Variants in ATAD1 observed in about 807,000 individuals in gnomAD.
ATAD1 encodes ATPase family AAA domain containing 1.
ATAD1 carries 18 observed loss-of-function variants against 42.7 expected under a neutral mutation model. The ratio of observed to expected loss-of-function variants is 0.42; its 90% CI spans 0.29 to 0.63. The LOEUF (loss-of-function observed/expected upper bound fraction) is 0.63, where lower values mean the gene tolerates loss of function less well. Ranked by LOEUF, ATAD1 falls within the 20% of genes least tolerant of loss-of-function variation. The probability of loss-of-function intolerance (pLI) is 0.19; values close to 1 mark genes in which losing one functional copy is unlikely to be tolerated. For missense variants in ATAD1, 294 were observed against 440.4 expected (o/e 0.67, Z 2.98); for synonymous variants, 132 against 143.1 (o/e 0.92, Z 0.55).
At chr10:87,776,214 T>A in intron 6 of ATAD1, 107 bp downstream of exon 6, 1 of 771,806 alleles carries the variant, frequency 1.3e-6, no homozygotes, top group East Asian at 2.5e-5. Context: ...TAAGTGTAAA[T>A]AATTATGAAA....
At chr10:87,801,503 TA>T (rs1856693008) in intron 2 of ATAD1, among the ~76,000 whole-genome samples, 1 of 91,146 alleles carries the variant, frequency 1.1e-5, no homozygotes, top group African/African-American at 4.3e-5. Flanking sequence ...GTATGTGTCC[TA>T]AAATTATGAG....
intron 1 of ATAD1, chr10:87,814,840 G>A: frequency 3.7e-6 from 1 of 272,806 alleles, no homozygotes; most frequent in Non-Finnish European, 6.8e-6. Flanking sequence ...TAGAAATTAA[G>A]ATTTATTTGG....
chr10:87,770,194 G>T (rs1854964702), intron 7 of ATAD1, among the ~76,000 whole-genome samples: 1 of 152,110 alleles, frequency 6.6e-6, no homozygotes, highest in Non-Finnish European at 1.5e-5. Flanking sequence ...TGGGACAAAT[G>T]ATTTTTAGCC....
chr10:87,818,191 A>T lies in ATAD1; in HGVS notation c.-38T>A, dbSNP rs1210231505. 3.0e-6 allele frequency: 3 copies of T among 985,604 alleles called. No individual in the cohort carries two copies. Among genetic ancestry groups the T allele is most frequent in the Non-Finnish European group, 3.6e-6 (3 of 830,132 alleles). 61.1% of individuals were successfully genotyped at this position (985,604 alleles called of 1,614,324 possible). On this transcript the variant is annotated 5_prime_UTR_variant, in exon 1 of 10. The change creates a new upstream start codon in the 5' untranslated region. Transcript: ENST00000680024. ...CCCAGGGGCAGAAACAGCAAGAGCA[A>T]GTGCCCTCAGCCGGCCTCACACAGG... is the stretch of plus-strand genomic sequence containing the variant.
At chr10:87,812,536 T>G (rs1305863256) in intron 2 of ATAD1, among the ~76,000 whole-genome samples, 1 of 152,176 alleles carries the variant, frequency 6.6e-6, no homozygotes, top group South Asian at 2.1e-4. Flanking sequence ...GTGCTGGGAT[T>G]ATAGGCGTGA....
intron 1 of ATAD1, 126 bp from the exon 2 acceptor site, chr10:87,814,738 TA>T: frequency 1.5e-6 from 1 of 674,984 alleles, no homozygotes; most frequent in Non-Finnish European, 2.1e-6. Flanking sequence ...TTACCTACCT[TA>T]AAAAAAGTGT....
intron 6 of ATAD1, among the ~76,000 whole-genome samples, chr10:87,775,420 C>CAAAAAAAAAAAAAAAAAAAAAAAAAAAAA (rs35200026): frequency 4.2e-5 from 1 of 24,058 alleles, no homozygotes; most frequent in Non-Finnish European, 8.7e-5. Flanking sequence ...GACTCCATCT[C>CAAAAAAAAAAAAAAAAAAAAAAAAAAAAA]AAAAAAAAAA....
At chr10:87,826,041 C>G (rs1857722820) in intron 1 of ATAD1, among the ~76,000 whole-genome samples, 1 of 152,170 alleles carries the variant, frequency 6.6e-6, no homozygotes, top group Non-Finnish European at 1.5e-5. Flanking sequence ...GATGAAATAT[C>G]TACTAGGCCT....
At chr10:87,770,101 A>G (rs539820037) in intron 7 of ATAD1, among the ~76,000 whole-genome samples, 4 of 152,324 alleles carry the variant, frequency 2.6e-5, no homozygotes, top group African/African-American at 7.2e-5. Context: ...TGATCAGAGT[A>G]ATTTTATAGA....
At chr10:87,784,136 A>G (rs1375130359) in intron 5 of ATAD1, among the ~76,000 whole-genome samples, 1 of 152,186 alleles carries the variant, frequency 6.6e-6, no homozygotes, top group Non-Finnish European at 1.5e-5. Context: ...TGGTAATCCT[A>G]GTGAGGTTGA....
intron 6 of ATAD1, 31 bp from the exon 7 acceptor site, chr10:87,771,072 A>T: frequency 6.5e-7 from 1 of 1,538,186 alleles, no homozygotes; most frequent in South Asian, 1.1e-5. Flanking sequence ...GAAGGTATTA[A>T]ATCTACCAAT....
chr10:87,790,331 T>C lies in ATAD1; in HGVS notation c.361A>G (p.Arg121Gly). 5 of 1,612,862 alleles carry C rather than the reference T, an allele frequency of 3.1e-6. No homozygotes were observed. In the South Asian group the frequency reaches 5.5e-5, roughly 18 times the overall value. Residue 121 changes from arginine (R) to glycine (G), a missense_variant, in exon 4 of 10, where the codon AGG (arginine) becomes GGG (glycine). Transcript: ENST00000680024. ...IKKKHLFENS[R>G]LLQPPKGVLL... The stretch of plus-strand genomic sequence containing the variant: ...ATACCTTTTGGAGGCTGCAGAAGCC[T>C]GGAATTCTCAAACAAATGTTTCTTT...
intron 8 of ATAD1, 150 bp downstream of exon 8, chr10:87,767,523 A>G: frequency 2.8e-6 from 2 of 724,444 alleles, no homozygotes; most frequent in South Asian, 3.2e-5. Flanking sequence ...CCAGTTCCTA[A>G]CAGGCCATAG....
intron 5 of ATAD1, among the ~76,000 whole-genome samples, chr10:87,777,565 A>G (rs1252778024): frequency 6.6e-6 from 1 of 152,054 alleles, no homozygotes; most frequent in East Asian, 1.9e-4. Context: ...ATTTTAGAAT[A>G]TAAGACTGAA....
chr10:87,828,886 A>G (rs1471719258), intron 1 of ATAD1, among the ~76,000 whole-genome samples: 1 of 152,230 alleles, frequency 6.6e-6, no homozygotes, highest in Non-Finnish European at 1.5e-5. Context: ...CAAAGCTGGG[A>G]TGACAGCACA....
At chr10:87,778,338 G>A (rs1322094678) in intron 5 of ATAD1, among the ~76,000 whole-genome samples, 1 of 151,778 alleles carries the variant, frequency 6.6e-6, no homozygotes, top group Non-Finnish European at 1.5e-5. Flanking sequence ...TAAATATAAG[G>A]ACTCGGAATG....
chr10:87,764,022 A>ATT (rs1369574032), intron 8 of ATAD1, among the ~76,000 whole-genome samples: 1 of 152,202 alleles, frequency 6.6e-6, no homozygotes, highest in Non-Finnish European at 1.5e-5. Flanking sequence ...TCTACCAGAT[A>ATT]TTAAAACTTA....
intron 2 of ATAD1, among the ~76,000 whole-genome samples, chr10:87,800,168 G>A (rs938223201): frequency 7.9e-5 from 12 of 151,612 alleles, no homozygotes; most frequent in African/African-American, 2.4e-4. Flanking sequence ...TGGACTTGAT[G>A]TAAAAAAAAT....
chr10:87,762,774 A>T (rs114676673), intron 8 of ATAD1, among the ~76,000 whole-genome samples: 1 of 151,552 alleles, frequency 6.6e-6, no homozygotes, highest in African/African-American at 2.4e-5. Flanking sequence ...GTTATCAAAA[A>T]TTCAATTAAA....
Sources: allele counts gnomAD v4.1 joint callset (sites outside exome capture counted in the v4.1 genomes callset), GRCh38; gene constraint gnomAD v4.1.1; transcripts MANE v1.5; gene names NCBI Gene and HGNC (gene_info 2026-07-23, HGNC 2026-07-21).